Variants in WT1 observed in about 807,000 individuals in gnomAD.
WT1 encodes the protein WT1 transcription factor.
A neutral mutation model predicts 60.8 loss-of-function variants in WT1; 8 were observed. The observed-to-expected ratio is 0.13, with a 90% CI of 0.08 to 0.24. The LOEUF (loss-of-function observed/expected upper bound fraction) is 0.24. Ranked by LOEUF, WT1 falls within the 10% of genes least tolerant of loss-of-function variation. The pLI is 1.00. For synonymous variants in WT1, 312 were observed against 297.1 expected, an observed-to-expected ratio of 1.05 and a Z score of -0.52; for missense variants, 568 against 711.8, an observed-to-expected ratio of 0.80 and a Z score of 2.30.
At chr11:32,414,567 G>A (rs1476458846) in intron 5 of WT1, among the ~76,000 whole-genome samples, 1 of 152,194 alleles carries the variant, frequency 6.6e-6, no homozygotes, top group Admixed American at 6.5e-5. Context: ...GAGCCACCAT[G>A]CCAGGCCAAG....
chr11:32,434,508 G>A (rs975604743), intron 1 of WT1, among the ~76,000 whole-genome samples, 192 bp downstream of exon 1: 1 of 152,182 alleles, frequency 6.6e-6, no homozygotes, highest in Non-Finnish European at 1.5e-5. Flanking sequence ...GGAGGATGTC[G>A]GGGGCCAGTG....
chr11:32,391,102 C>T (rs1851804165), intron 9 of WT1, among the ~76,000 whole-genome samples: 1 of 152,082 alleles, frequency 6.6e-6, no homozygotes, highest in Non-Finnish European at 1.5e-5. Context: ...CCTACCTCAG[C>T]CTCCCCCAAA....
intron 5 of WT1, among the ~76,000 whole-genome samples, chr11:32,415,754 T>C (rs550542735): frequency 6.6e-6 from 1 of 152,322 alleles, no homozygotes; most frequent in Admixed American, 6.5e-5. Context: ...GCCTTTTCTT[T>C]GTGGTCCAGA....
rs143761202 is a variant in WT1 at position 32,432,409 on chromosome 11, G to C, written c.661+2291C>G. On this transcript the variant is annotated intron_variant, in intron 1 of 9. Transcript: ENST00000452863. ...ATCCAAAGAATAAACCCAGAATCTC[G>C]AGGGCCACCCTTGCCCACTCCAGGA... is the stretch of plus-strand genomic sequence containing the variant. Among the ~76,000 whole-genome samples, 9 of 152,302 alleles carry C rather than the reference G, an allele frequency of 5.9e-5. No homozygotes were observed. The East Asian group carries it at 1.5e-3, about 26-fold the overall frequency.
At chr11:32,421,207 A>G (rs1852843502) in intron 3 of WT1, among the ~76,000 whole-genome samples, 1 of 152,220 alleles carries the variant, frequency 6.6e-6, no homozygotes, top group African/African-American at 2.4e-5. Flanking sequence ...CTCAACACCC[A>G]GCTCTCATCA....
chr11:32,414,425 A>G (rs916276924), intron 5 of WT1, among the ~76,000 whole-genome samples: 17 of 152,244 alleles, frequency 1.1e-4, no homozygotes, highest in African/African-American at 3.6e-4. Flanking sequence ...GGCATGTGCC[A>G]CCACGTCTGG....
At chr11:32,429,025 A>C in intron 1 of WT1, 1 of 334,050 alleles carries the variant, frequency 3.0e-6, no homozygotes, top group Admixed American at 3.9e-5. Context: ...AAGCGAAATG[A>C]ATCTGCTGGG....
chr11:32,404,508 G>A (rs1012943366), intron 5 of WT1, among the ~76,000 whole-genome samples: 3 of 151,936 alleles, frequency 2.0e-5, no homozygotes, highest in Non-Finnish European at 2.9e-5. Flanking sequence ...GTAAAGTCAC[G>A]GGAGAGGAGG....
chr11:32,434,721 G>T lies in WT1; in HGVS notation c.640C>A (p.Gln214Lys). The T allele has an allele frequency of 6.2e-7, 1 of 1,613,016 alleles. No individual in the cohort carries two copies. The highest frequency in any genetic ancestry group is 8.5e-7 in the Non-Finnish European group (1 of 1,179,958). Reference sequence around the variant, plus strand: ...TTACCCTGATTGCGAATAGCGGGCTGGCTCTCGAGGCAGCTGGGCAGGTAG... The same window carrying T: ...TTACCCTGATTGCGAATAGCGGGCTTGCTCTCGAGGCAGCTGGGCAGGTAG... Residue 214 changes from glutamine to lysine, a missense_variant, in exon 1 of 10, where the codon CAG (glutamine) becomes AAG (lysine). Gln to Lys is a moderately conservative substitution (Grantham distance 53). Around this residue, in one of 3 missense-constraint regions of WT1, gnomAD observed 523 missense variants for 565.1 expected, o/e 0.93. Transcript: ENST00000452863.
At chr11:32,428,696 G>A in intron 1 of WT1, 77 bp from the exon 2 acceptor site, 3 of 1,546,210 alleles carry the variant, frequency 1.9e-6, no homozygotes, top group Non-Finnish European at 2.6e-6. Context: ...ACCAGCCACG[G>A]GCGGGGGGGG....
At chr11:32,413,025 T>C (rs1310317361) in intron 5 of WT1, among the ~76,000 whole-genome samples, 1 of 152,164 alleles carries the variant, frequency 6.6e-6, no homozygotes, top group African/African-American at 2.4e-5. Flanking sequence ...GATGTCTCCG[T>C]GGACTTGCTT....
chr11:32,427,628 G>A (rs1384257787), intron 3 of WT1, among the ~76,000 whole-genome samples: 1 of 152,186 alleles, frequency 6.6e-6, no homozygotes, highest in Non-Finnish European at 1.5e-5. Flanking sequence ...GAGTGGGAGT[G>A]GACTCCGTGT....
chr11:32,391,839 C>G, intron 9 of WT1, 133 bp downstream of exon 9: 1 of 872,132 alleles, frequency 1.1e-6, no homozygotes, highest in Non-Finnish European at 1.9e-6. Context: ...TAGCCACGCA[C>G]TATTCCTTCT....
rs74890873 is a variant in WT1 at position 32,408,851 on chromosome 11, G to A, written c.1016+7639C>T. ...AAATACAACAAAACAATAAACCTCCGTGTAAATACTGTACTCTGTACTTAC... is the reference window on the plus strand; with the variant it reads ...AAATACAACAAAACAATAAACCTCCATGTAAATACTGTACTCTGTACTTAC... On this transcript the variant is annotated intron_variant, in intron 5 of 9. Transcript: ENST00000452863. Among the ~76,000 whole-genome samples, 505 of 152,216 alleles carry A rather than the reference G, an allele frequency of 3.3e-3. 2 individuals carry two copies. The highest frequency in any genetic ancestry group is 0.012 in the African/African-American group (483 of 41,536).
intron 1 of WT1, chr11:32,430,562 G>A (rs1474588965): frequency 6.2e-7 from 1 of 1,610,164 alleles, no homozygotes; most frequent in South Asian, 1.1e-5. Flanking sequence ...GAGTAGGCAG[G>A]GACCCAGGGC....
chr11:32,399,149 C>T (rs183097927), intron 6 of WT1, among the ~76,000 whole-genome samples: 57 of 144,126 alleles, frequency 4.0e-4, no homozygotes, highest in Admixed American at 3.6e-3. Flanking sequence ...GAGCGAGACT[C>T]CCATCTCAAA....
intron 5 of WT1, among the ~76,000 whole-genome samples, chr11:32,412,179 T>G (rs1852521589): frequency 6.6e-6 from 1 of 152,212 alleles, no homozygotes; most frequent in African/African-American, 2.4e-5. Flanking sequence ...GCACAGGTTC[T>G]CAGGGATGAG....
At chr11:32,415,087 A>T (rs906555163) in intron 5 of WT1, among the ~76,000 whole-genome samples, 4 of 152,190 alleles carry the variant, frequency 2.6e-5, no homozygotes, top group African/African-American at 9.7e-5. Context: ...TATCGAAATT[A>T]TCTTAACCAT....
Position 32,435,120 on chromosome 11 carries a change from G to T in WT1, c.241C>A (p.Leu81Met), listed in dbSNP as rs777617460. Residue 81 changes from leucine (L) to methionine (M), a missense_variant, in exon 1 of 10, where the codon CTG (leucine) becomes ATG (methionine). This residue lies in a region of WT1 where 523 missense variants were observed against 565.1 expected (regional missense o/e 0.93). Coordinates refer to ENST00000452863, the MANE Select transcript of WT1 (RefSeq NM_024426.6). ...GGGACGGCGGGCAGCAGCGCGTTCA[G>T]GTCCCGCACGTCGGAGCCCATTTGC... 1.3e-6 allele frequency: 2 copies of T among 1,516,018 alleles called. No individual in the cohort carries two copies. The highest frequency in any genetic ancestry group is 1.8e-6 in the Non-Finnish European group (2 of 1,139,630). The allele number at this position is 1,516,018 out of a possible 1,614,324, so 93.9% of individuals were successfully genotyped here.
Sources: gnomAD v4.1 joint callset for allele counts (sites outside exome capture counted in the v4.1 genomes callset) on GRCh38, gnomAD v4.1.1 for gene constraint, gnomAD v4.1.1 regional missense constraint, MANE v1.5 for transcripts, NCBI Gene and HGNC (gene_info 2026-07-23, HGNC 2026-07-21) for gene names.